The following UGT1A7 variants were observed in gnomAD, a reference collection of about 807,000 sequenced individuals.
The protein encoded by UGT1A7 is UDP-glucuronosyltransferase 1A7.
In UGT1A7, 33 loss-of-function variants were observed where a neutral mutation model predicts 45.6. That is an observed-to-expected ratio of 0.72 (90% CI 0.55 to 0.97). The LOEUF (loss-of-function observed/expected upper bound fraction) is 0.97. Ranked by LOEUF, UGT1A7 falls within the 50% of genes least tolerant of loss-of-function variation. The probability of loss-of-function intolerance (pLI) is 0.00; values close to 1 mark genes in which losing one functional copy is unlikely to be tolerated. For missense variants in UGT1A7, 684 were observed against 666.2 expected (o/e 1.03, Z -0.29); for synonymous variants, 274 against 250.6 (o/e 1.09, Z -0.88).
intron 1 of UGT1A7, among the ~76,000 whole-genome samples, chr2:233,723,485 C>T (rs1440539841): frequency 7.3e-6 from 1 of 137,690 alleles, no homozygotes; most frequent in Non-Finnish European, 1.5e-5. Flanking sequence ...GCTAGGATTC[C>T]AGGTGTGAGC....
chr2:233,747,400 C>A (rs1293984424), intron 1 of UGT1A7: 3 of 1,606,860 alleles, frequency 1.9e-6, no homozygotes, highest in Non-Finnish European at 2.6e-6. Flanking sequence ...GTCCTCACCC[C>A]AGAGGTGAAT....
intron 1 of UGT1A7, chr2:233,744,073 C>T (rs1340911345): frequency 3.6e-5 from 17 of 475,584 alleles, no homozygotes; most frequent in South Asian, 1.4e-4. Flanking sequence ...ATGAGCGCCT[C>T]GCATCCCAAG....
chr2:233,733,807 A>T (rs898855226), intron 1 of UGT1A7, among the ~76,000 whole-genome samples: 3 of 152,292 alleles, frequency 2.0e-5, no homozygotes, highest in Admixed American at 6.5e-5. Context: ...TATCAGGATG[A>T]TGCTGGCCTC....
chr2:233,755,000 G>C, intron 1 of UGT1A7: 1 of 1,293,096 alleles, frequency 7.7e-7, no homozygotes, highest in Non-Finnish European at 1.0e-6. Flanking sequence ...GGAAGCTGAA[G>C]ACCTACTCGA....
At chr2:233,757,541 T>TAC (rs1553619873) in intron 1 of UGT1A7, among the ~76,000 whole-genome samples, 2 of 117,592 alleles carry the variant, frequency 1.7e-5, no homozygotes, top group African/African-American at 7.2e-5. Context: ...AAGGAATATA[T>TAC]ATATATATAT....
chr2:233,724,108 C>T (rs1455095780), intron 1 of UGT1A7, among the ~76,000 whole-genome samples: 64 of 55,750 alleles, frequency 1.1e-3, no homozygotes, highest in South Asian at 2.6e-3. Context: ...TAGGGGCGGC[C>T]GGGCAGAGGC....
chr2:233,690,610 G>T, intron 1 of UGT1A7: 1 of 1,289,080 alleles, frequency 7.8e-7, no homozygotes, highest in Non-Finnish European at 1.0e-6. Context: ...ATCGGCCTTT[G>T]CCTGGACACT....
rs779826535 is a variant in UGT1A7 at position 233,768,441 on chromosome 2, TAAGA to T, written c.1295+8_1295+11del. ...AAAAGCAGTCATCAATGACAAAAGGTAAGAAAGAAGATACAGAAGAATACTTTGG... is the reference window on the plus strand; with the variant it reads ...AAAAGCAGTCATCAATGACAAAAGGTAAGAAGATACAGAAGAATACTTTGG... On this transcript the variant is annotated splice_donor_5th_base_variant and intron_variant, in intron 4 of 4. Coordinates refer to ENST00000373426, the MANE Select transcript of UGT1A7 (RefSeq NM_019077.3). 2 of 1,613,308 alleles carry T rather than the reference TAAGA, an allele frequency of 1.2e-6. No individual in the cohort carries two copies. Among genetic ancestry groups the T allele is most frequent in the Non-Finnish European group, 1.7e-6 (2 of 1,179,602 alleles).
intron 1 of UGT1A7, among the ~76,000 whole-genome samples, chr2:233,698,456 A>G (rs1354773136): frequency 2.0e-5 from 3 of 152,236 alleles, no homozygotes; most frequent in African/African-American, 7.2e-5. Context: ...GATCATAGAA[A>G]ATGAAGCCCT....
At chr2:233,729,323 A>G in intron 1 of UGT1A7, 2 of 1,614,278 alleles carry the variant, frequency 1.2e-6, no homozygotes, top group Non-Finnish European at 1.7e-6. Context: ...CCAGAGGTGA[A>G]TATGCACATC....
At chr2:233,760,319 T>C (rs201984525) in intron 1 of UGT1A7, 2 of 1,614,040 alleles carry the variant, frequency 1.2e-6, no homozygotes, top group Non-Finnish European at 1.7e-6. Context: ...GGACGCCCAC[T>C]TGTCCTGGGC....
At chr2:233,693,514 C>T in intron 1 of UGT1A7, 16 of 1,614,208 alleles carry the variant, frequency 9.9e-6, no homozygotes, top group Non-Finnish European at 1.4e-5. Context: ...CTGTGTACCT[C>T]TTCAGGGGTT....
chr2:233,755,070 C>T (rs1695739797), intron 1 of UGT1A7: 5 of 1,336,550 alleles, frequency 3.7e-6, no homozygotes, highest in South Asian at 1.1e-5. Context: ...CTCGCCATAG[C>T]GGTCATAGAT....
At position 233,682,735 on chromosome 2, in the gene UGT1A7, G is replaced by A. The variant is rs769747988; in HGVS notation, c.798G>A (p.Met266Ile). 6.2e-7 allele frequency: 1 copy of A among 1,613,896 alleles called. No individual in the cohort carries two copies. Among genetic ancestry groups the A allele is most frequent in the Non-Finnish European group, 8.5e-7 (1 of 1,179,832 alleles). The change falls in exon 1 of 5, where the codon ATG (methionine) becomes ATA (isoleucine). Residue 266 changes from methionine (M) to isoleucine (I), a missense_variant. Transcript: ENST00000373426. ...TTTTGGAGTATCCCAAACCCGTGAT[G>A]CCCAATATGATCTTCATTGGTGGTA... The part of the protein sequence containing the change: ...DFVLEYPKPV[M>I]PNMIFIGGIN...
intron 1 of UGT1A7, among the ~76,000 whole-genome samples, chr2:233,688,913 C>T (rs1258739831): frequency 6.6e-6 from 1 of 152,062 alleles, no homozygotes; most frequent in Admixed American, 6.5e-5. Context: ...GGATGGTGTG[C>T]CAAGCAGGGA....
At chr2:233,686,815 C>T (rs549332293) in intron 1 of UGT1A7, among the ~76,000 whole-genome samples, 8 of 152,260 alleles carry the variant, frequency 5.3e-5, no homozygotes, top group Non-Finnish European at 7.4e-5. Flanking sequence ...CTTTTCCCTA[C>T]CTATTTTATT....
rs569101199 is a variant in UGT1A7, at chr2:233,772,971, C to T, written c.*412C>T. 9.8e-5 allele frequency: 30 copies of T among 306,230 alleles called. No individual in the cohort carries two copies. Among genetic ancestry groups the T allele is most frequent in the African/African-American group, 6.3e-4 (29 of 45,956 alleles). The allele number at this position is 306,230 out of a possible 1,614,324, so 19.0% of individuals were successfully genotyped here. On this transcript the variant is annotated 3_prime_UTR_variant, in exon 5 of 5. Coordinates refer to ENST00000373426, the MANE Select transcript of UGT1A7 (RefSeq NM_019077.3). ...GCAGATGGTTGCAATTGATCCTTAACCAATAATGGTCAGTCCTCATCTCTG... is the reference window on the plus strand; with the variant it reads ...GCAGATGGTTGCAATTGATCCTTAATCAATAATGGTCAGTCCTCATCTCTG...
chr2:233,738,076 A>C (rs17862873), intron 1 of UGT1A7, among the ~76,000 whole-genome samples: 29,204 of 152,030 alleles, frequency 0.19, 3,596 homozygotes, highest in South Asian at 0.3. Context: ...CCCACCTCCT[A>C]ATCTCATCAT....
chr2:233,757,560 A>ATATATATATATATATATATATATATGTG (rs904896556), intron 1 of UGT1A7, among the ~76,000 whole-genome samples: 2 of 123,156 alleles, frequency 1.6e-5, no homozygotes, highest in African/African-American at 6.8e-5. Context: ...ATATATATAT[A>ATATATATATATATATATATATATATGTG]TGTATATATG....
Sources: gnomAD v4.1 joint callset for allele counts (sites outside exome capture counted in the v4.1 genomes callset) on GRCh38, gnomAD v4.1.1 for gene constraint, MANE v1.5 for transcripts, NCBI Gene and HGNC (gene_info 2026-07-23, HGNC 2026-07-21) for gene names.